The following CPNE2 variants were observed in gnomAD, a reference collection of about 807,000 sequenced individuals.
CPNE2 encodes copine-2.
Under a neutral mutation model 69.7 loss-of-function variants are expected in CPNE2, and 42 were observed. The ratio of observed to expected loss-of-function variants is 0.60; its 90% CI spans 0.47 to 0.78. The LOEUF (loss-of-function observed/expected upper bound fraction) is 0.78. CPNE2 is among the 30% of genes least tolerant of loss of function. The pLI is 0.00. For missense variants in CPNE2, 587 were observed against 732.0 expected, an observed-to-expected ratio of 0.80 and a Z score of 2.29; for synonymous variants, 294 against 289.8, an observed-to-expected ratio of 1.01 and a Z score of -0.15.
intron 1 of CPNE2, among the ~76,000 whole-genome samples, chr16:57,102,405 G>C (rs2069620400): frequency 6.6e-6 from 1 of 152,074 alleles, no homozygotes; most frequent in South Asian, 2.1e-4. Flanking sequence ...TGGAGGCCCT[G>C]AGGGTCCCAG....
intron 10 of CPNE2, chr16:57,124,293 G>A: frequency 2.4e-6 from 1 of 421,440 alleles, no homozygotes; most frequent in Non-Finnish European, 4.8e-6. Context: ...TGTTGCCCAG[G>A]CTGGTCTCAA....
chr16:57,145,688 A>G, intron 14 of CPNE2: 1 of 235,678 alleles, frequency 4.2e-6, no homozygotes. Flanking sequence ...CGTCAGGCAC[A>G]TTATCTGCAA....
rs1309838545 is a variant in CPNE2 at position 57,147,933 on chromosome 16, A to ATTG, written c.*278_*280dup. On this transcript the variant is annotated 3_prime_UTR_variant, in exon 16 of 16. Transcript: ENST00000290776. ...ATGTACTTTGTATAATTTTAGTGGA[A>ATTG]TTGTTATTGAGAATAAAATTTTTAC... The ATTG allele has an allele frequency of 3.0e-6, 1 of 330,526 alleles. No homozygotes were observed. The highest frequency in any genetic ancestry group is 2.1e-5 in the African/African-American group (1 of 47,144). The allele number at this position is 330,526 out of a possible 1,614,324, so 20.5% of individuals were successfully genotyped here. A position where few individuals can be genotyped will look rare whatever the true frequency, so the allele number is the denominator to read the frequency against.
intron 1 of CPNE2, among the ~76,000 whole-genome samples, chr16:57,094,381 G>A (rs1434224733): frequency 6.6e-6 from 1 of 152,106 alleles, no homozygotes; most frequent in Non-Finnish European, 1.5e-5. Context: ...CAAGTGTGGT[G>A]TCTCTGGTGG....
intron 1 of CPNE2, among the ~76,000 whole-genome samples, chr16:57,107,056 T>G (rs2069652608): frequency 6.6e-6 from 1 of 152,150 alleles, no homozygotes; most frequent in Admixed American, 6.5e-5. Flanking sequence ...GGCCTCAGTT[T>G]CCTCATCTCT....
intron 1 of CPNE2, among the ~76,000 whole-genome samples, chr16:57,097,268 C>T (rs1269565743): frequency 6.6e-6 from 1 of 152,184 alleles, no homozygotes; most frequent in Non-Finnish European, 1.5e-5. Flanking sequence ...CTCTCTGTTC[C>T]CCCAACTCCA....
intron 10 of CPNE2, chr16:57,124,488 G>A (rs965853744): frequency 7.5e-6 from 3 of 402,540 alleles, no homozygotes; most frequent in Admixed American, 2.7e-5. Context: ...TTTTAAGTGT[G>A]GGCACTTTGT....
At chr16:57,143,825 TGATA>T (rs1161036465) in intron 14 of CPNE2, 2 of 152,264 alleles carry the variant, frequency 1.3e-5, no homozygotes, top group African/African-American at 4.8e-5. Flanking sequence ...GCACGGGGGC[TGATA>T]GAAACGAGGG....
At chr16:57,131,863 C>T (rs1335781820) in intron 12 of CPNE2, among the ~76,000 whole-genome samples, 3 of 151,768 alleles carry the variant, frequency 2.0e-5, no homozygotes, top group Non-Finnish European at 4.4e-5. Context: ...GCTTCTGCCA[C>T]CGATTTTCAC....
rs145081610 is a variant in CPNE2, at chr16:57,127,220, G to A, written c.1062-629G>A. On this transcript the variant is annotated intron_variant, in intron 11 of 15. Coordinates refer to ENST00000290776, the MANE Select transcript of CPNE2 (RefSeq NM_152727.6). The stretch of plus-strand genomic sequence containing the variant: ...AGAGCGAAGGGGCCATTTTGATTGG[G>A]CCTTAGAGGATGAGTAGGAGTTTGC... Among the ~76,000 whole-genome samples, 141 of 152,310 alleles carry A rather than the reference G, an allele frequency of 9.3e-4. 1 individual carries two copies. The highest frequency in any genetic ancestry group is 3.3e-3 in the African/African-American group (139 of 41,578).
At chr16:57,121,286 C>A in intron 8 of CPNE2, 95 bp downstream of exon 8, 1 of 1,007,148 alleles carries the variant, frequency 9.9e-7, no homozygotes, top group Non-Finnish European at 1.5e-6. Context: ...GCTGAGATCC[C>A]CCTTCTGGCT....
rs568030436 is a variant in CPNE2, at chr16:57,130,816, A to G, written c.1116+2913A>G. ...TGGCAGTCAGCCAGCGTGGAAGTCAACTGGCTGTGAGGGAGGGGAAGGGTT... is the reference window on the plus strand; with the variant it reads ...TGGCAGTCAGCCAGCGTGGAAGTCAGCTGGCTGTGAGGGAGGGGAAGGGTT... On this transcript the variant is annotated intron_variant, in intron 12 of 15. Coordinates refer to ENST00000290776, the MANE Select transcript of CPNE2 (RefSeq NM_152727.6). This position sits in a 1 kb window ranked among gnomAD's most constrained non-coding sequence, Gnocchi z 4.1. 6.6e-6 allele frequency among the ~76,000 whole-genome samples: 1 copy of G among 152,020 alleles called. No homozygotes were observed. The highest frequency in any genetic ancestry group is 2.4e-5 in the African/African-American group (1 of 41,468).
At chr16:57,110,973 G>A in intron 2 of CPNE2, 51 bp downstream of exon 2, 1 of 1,537,810 alleles carries the variant, frequency 6.5e-7, no homozygotes, top group Admixed American at 1.8e-5. Context: ...CTAGGCTGCT[G>A]GGGAGGGGGA....
chr16:57,104,645 C>T (rs543433970), intron 1 of CPNE2, among the ~76,000 whole-genome samples: 12 of 152,144 alleles, frequency 7.9e-5, no homozygotes, highest in African/African-American at 2.2e-4. Context: ...ATGATGTCCT[C>T]CTGAGGGACG....
intron 6 of CPNE2, 21 bp downstream of exon 6, chr16:57,119,299 G>A: frequency 6.2e-7 from 1 of 1,609,232 alleles, no homozygotes; most frequent in South Asian, 1.1e-5. Flanking sequence ...GGGGGCCCAG[G>A]GATCTCTAAG....
intron 4 of CPNE2, among the ~76,000 whole-genome samples, chr16:57,115,820 A>AAGTGCCCTGCCCATC (rs1240195066): frequency 3.9e-5 from 6 of 152,186 alleles, no homozygotes; most frequent in Non-Finnish European, 5.9e-5. Flanking sequence ...GGTCGTTCAG[A>AAGTGCCCTGCCCATC]AGTGCCCTGC....
rs1201631035 is a variant in CPNE2 at position 57,146,434 on chromosome 16, C to T, written c.1539+113C>T. ...TGGCCCAATCCTAGACTTCTCCACT[C>T]CATTGACTATGCTCTTCTGAGGGCC... On this transcript the variant is annotated intron_variant, in intron 15 of 15. Transcript: ENST00000290776. The surrounding 1 kb of genome is among the most constrained non-coding windows in gnomAD (Gnocchi z 4.4). 1.3e-5 allele frequency: 12 copies of T among 914,076 alleles called. No homozygotes were observed. The highest frequency in any genetic ancestry group is 1.7e-5 in the African/African-American group (1 of 60,146). 56.6% of individuals were successfully genotyped at this position (914,076 alleles called of 1,614,324 possible).
At chr16:57,107,873 T>C (rs2069657621) in intron 1 of CPNE2, among the ~76,000 whole-genome samples, 1 of 148,208 alleles carries the variant, frequency 6.7e-6, no homozygotes, top group Non-Finnish European at 1.5e-5. Context: ...ATCTTTTTTT[T>C]TTTTTTTTTT....
chr16:57,108,700 A>G (rs537248966), intron 1 of CPNE2, among the ~76,000 whole-genome samples: 1 of 152,332 alleles, frequency 6.6e-6, no homozygotes, highest in Admixed American at 6.5e-5. Context: ...GGTGTGACCT[A>G]GGTCCCCCTC....
Sources: gnomAD v4.1 joint callset for allele counts (sites outside exome capture counted in the v4.1 genomes callset) on GRCh38, gnomAD v4.1.1 for gene constraint, Gnocchi (gnomAD v3.1) non-coding constraint, MANE v1.5 for transcripts, NCBI Gene and HGNC (gene_info 2026-07-23, HGNC 2026-07-21) for gene names.